FMN1: variants seen among roughly 807,000 people sequenced by gnomAD.
FMN1 encodes the protein formin-1.
In FMN1, 110 loss-of-function variants were observed where a neutral mutation model predicts 132.4. The observed-to-expected ratio is 0.83, with a 90% CI of 0.71 to 0.97. The LOEUF is 0.97. Among genes scored for constraint, FMN1 ranks in the 50% least tolerant of loss-of-function variants. FMN1 has a pLI of 0.00. For missense variants in FMN1, 1,792 were observed against 1,705.3 expected (o/e 1.05, Z -0.90); for synonymous variants, 722 against 651.7 (o/e 1.11, Z -1.64).
chr15:32,872,811 G>A (rs1279673827), intron 16 of FMN1, among the ~76,000 whole-genome samples: 1 of 152,124 alleles, frequency 6.6e-6, no homozygotes, highest in Admixed American at 6.6e-5. Context: ...CTGAGCCCAT[G>A]TTCCCGTTTC....
intron 6 of FMN1, among the ~76,000 whole-genome samples, chr15:33,027,406 G>C (rs2035730358): frequency 6.6e-6 from 1 of 152,128 alleles, no homozygotes; most frequent in Non-Finnish European, 1.5e-5. Flanking sequence ...TTCACATCTT[G>C]TGTTTTATCT....
chr15:32,993,671 A>G (rs1039149128), intron 7 of FMN1, among the ~76,000 whole-genome samples: 8 of 152,216 alleles, frequency 5.3e-5, no homozygotes, highest in Non-Finnish European at 5.9e-5. Context: ...GGGAGAATCA[A>G]GCTGTACACA....
chr15:33,050,864 T>C (rs1251444273), intron 6 of FMN1, among the ~76,000 whole-genome samples: 3 of 152,248 alleles, frequency 2.0e-5, no homozygotes, highest in Admixed American at 2.0e-4. Context: ...TGGAATACTA[T>C]GCAGCCATTA....
At chr15:33,109,965 A>G (rs528983636) in intron 4 of FMN1, among the ~76,000 whole-genome samples, 3 of 152,186 alleles carry the variant, frequency 2.0e-5, no homozygotes, top group Non-Finnish European at 2.9e-5. Context: ...TTCACCTAGC[A>G]ACTGGACACA....
At chr15:32,857,461 A>G (rs1245972287) in intron 16 of FMN1, among the ~76,000 whole-genome samples, 2 of 152,188 alleles carry the variant, frequency 1.3e-5, no homozygotes, top group African/African-American at 4.8e-5. Flanking sequence ...TAGTCTCACG[A>G]AATTAAGGGC....
intron 6 of FMN1, among the ~76,000 whole-genome samples, chr15:33,018,240 A>C (rs573095963): frequency 2.6e-5 from 4 of 151,996 alleles, no homozygotes; most frequent in Non-Finnish European, 5.9e-5. Context: ...CTTCCTGACA[A>C]TTTCTAAAAT....
chr15:32,889,646 A>G (rs1356827153), intron 15 of FMN1, among the ~76,000 whole-genome samples: 6 of 152,208 alleles, frequency 3.9e-5, no homozygotes, highest in South Asian at 4.2e-4. Context: ...TTCCTTGTTC[A>G]TACTCATCCT....
chr15:33,150,809 C>T, intron 4 of FMN1: 1 of 986,540 alleles, frequency 1.0e-6, no homozygotes, highest in Non-Finnish European at 1.2e-6. Context: ...AATAAATGTC[C>T]ACAGACCATA....
chr15:32,892,354 C>A (rs1017592873), intron 15 of FMN1, among the ~76,000 whole-genome samples: 1 of 152,152 alleles, frequency 6.6e-6, no homozygotes, highest in African/African-American at 2.4e-5. Context: ...GTGGTGTTAT[C>A]ACATTTATTA....
At chr15:33,119,575 TA>T (rs925523327) in intron 4 of FMN1, among the ~76,000 whole-genome samples, 2 of 152,224 alleles carry the variant, frequency 1.3e-5, no homozygotes, top group Non-Finnish European at 2.9e-5. Flanking sequence ...AAACTTTCTG[TA>T]AAAAACCAGC....
chr15:33,072,250 A>T (rs1021355213), intron 5 of FMN1, among the ~76,000 whole-genome samples: 4 of 152,244 alleles, frequency 2.6e-5, no homozygotes, highest in South Asian at 2.1e-4. Context: ...AACCAAAAGA[A>T]GATGGAAAAT....
chr15:33,189,790 T>A (rs1966011113), intron 2 of FMN1, among the ~76,000 whole-genome samples: 1 of 152,200 alleles, frequency 6.6e-6, no homozygotes, highest in Non-Finnish European at 1.5e-5. Context: ...ATTTAAGTCT[T>A]CTGTATTAAG....
intron 6 of FMN1, among the ~76,000 whole-genome samples, chr15:33,024,506 A>G (rs926492817): frequency 3.9e-5 from 6 of 151,906 alleles, no homozygotes; most frequent in Non-Finnish European, 5.9e-5. Flanking sequence ...TCGGCCTCCC[A>G]AAGTGCTGGG....
At chr15:32,990,730 T>TA (rs2033382954) in intron 7 of FMN1, among the ~76,000 whole-genome samples, 1 of 152,142 alleles carries the variant, frequency 6.6e-6, no homozygotes, top group South Asian at 2.1e-4. Flanking sequence ...GACTCACAGT[T>TA]ACACATGCCT....
chr15:32,969,899 G>A (rs1399870082), intron 7 of FMN1, among the ~76,000 whole-genome samples: 1 of 152,132 alleles, frequency 6.6e-6, no homozygotes, highest in African/African-American at 2.4e-5. Flanking sequence ...AGCTCCTCTG[G>A]CTTAGAGCTG....
intron 17 of FMN1, among the ~76,000 whole-genome samples, chr15:32,833,437 C>T (rs1486629191): frequency 6.6e-6 from 1 of 152,116 alleles, no homozygotes; most frequent in African/African-American, 2.4e-5. Context: ...ATCAAAACAG[C>T]CCCAGCATCC....
At chr15:32,968,437 G>GAC (rs1190043484) in intron 8 of FMN1, among the ~76,000 whole-genome samples, 1 of 152,110 alleles carries the variant, frequency 6.6e-6, no homozygotes, top group Non-Finnish European at 1.5e-5. Context: ...CTTAGATCCG[G>GAC]ACTCTTGTCT....
chr15:32,801,806 A>T (rs574076810), intron 18 of FMN1, among the ~76,000 whole-genome samples: 2 of 152,266 alleles, frequency 1.3e-5, no homozygotes, highest in South Asian at 4.1e-4. Flanking sequence ...AAAAACAAAC[A>T]AACAAACAAA....
At chr15:33,081,233 A>AC (rs2038444619) in intron 5 of FMN1, among the ~76,000 whole-genome samples, 1 of 151,906 alleles carries the variant, frequency 6.6e-6, no homozygotes, top group East Asian at 1.9e-4. Context: ...CCATACCCCC[A>AC]CCTTGCTAAC....
Sources: gnomAD v4.1 joint callset for allele counts (sites outside exome capture counted in the v4.1 genomes callset) on GRCh38, gnomAD v4.1.1 for gene constraint, MANE v1.5 for transcripts, NCBI Gene and HGNC (gene_info 2026-07-23, HGNC 2026-07-21) for gene names.